SPIRE1: variants seen among roughly 807,000 people sequenced by gnomAD.
The protein encoded by SPIRE1 is protein spire homolog 1.
A neutral mutation model predicts 94.1 loss-of-function variants in SPIRE1; 40 were observed. The observed-to-expected ratio is 0.43, with a 90% CI of 0.33 to 0.55. The LOEUF (loss-of-function observed/expected upper bound fraction) is 0.55, where lower values mean the gene tolerates loss of function less well. Ranked by LOEUF, SPIRE1 falls within the 20% of genes least tolerant of loss-of-function variation. SPIRE1 has a pLI of 0.06. For synonymous variants in SPIRE1, 376 were observed against 371.7 expected, an observed-to-expected ratio of 1.01 and a Z score of -0.13; for missense variants, 838 against 975.2, an observed-to-expected ratio of 0.86 and a Z score of 1.87.
At chr18:12,612,319 C>T (rs1195681826) in intron 2 of SPIRE1, among the ~76,000 whole-genome samples, 1 of 152,072 alleles carries the variant, frequency 6.6e-6, no homozygotes, top group Non-Finnish European at 1.5e-5. Flanking sequence ...ATTCATGGGC[C>T]CTGTGGGTTT....
At chr18:12,470,899 C>T (rs1377843826) in intron 10 of SPIRE1, among the ~76,000 whole-genome samples, 1 of 151,940 alleles carries the variant, frequency 6.6e-6, no homozygotes, top group Non-Finnish European at 1.5e-5. Context: ...GCCTCTCGCA[C>T]TGCTGCTTTG....
intron 1 of SPIRE1, among the ~76,000 whole-genome samples, chr18:12,642,224 C>T (rs1417924864): frequency 6.6e-6 from 1 of 152,196 alleles, no homozygotes; most frequent in Non-Finnish European, 1.5e-5. Context: ...CTTGCATCTT[C>T]TTCCTTGAGA....
intron 2 of SPIRE1, among the ~76,000 whole-genome samples, chr18:12,565,670 G>A (rs368502578): frequency 2.7e-5 from 4 of 150,334 alleles, no homozygotes; most frequent in Admixed American, 6.6e-5. Context: ...CACTGCGCCC[G>A]GCCAAGACTT....
At chr18:12,561,204 T>C (rs1747129070) in intron 2 of SPIRE1, among the ~76,000 whole-genome samples, 1 of 152,078 alleles carries the variant, frequency 6.6e-6, no homozygotes, top group African/African-American at 2.4e-5. Flanking sequence ...GGTGGTCTCC[T>C]TACACAAGTT....
intron 2 of SPIRE1, among the ~76,000 whole-genome samples, chr18:12,551,518 G>C (rs1353344023): frequency 2.0e-5 from 3 of 152,174 alleles, no homozygotes; most frequent in African/African-American, 7.2e-5. Context: ...TGGCTAACAC[G>C]GAGAAACCCT....
At chr18:12,481,256 G>A (rs2032830233) in intron 9 of SPIRE1, among the ~76,000 whole-genome samples, 1 of 151,946 alleles carries the variant, frequency 6.6e-6, no homozygotes, top group African/African-American at 2.4e-5. Context: ...AAGTGAGACT[G>A]TGTCTCAAAA....
chr18:12,483,920 A>G (rs2143794689), intron 9 of SPIRE1, among the ~76,000 whole-genome samples: 1 of 152,358 alleles, frequency 6.6e-6, no homozygotes, highest in Non-Finnish European at 1.5e-5. Context: ...ATGAAGCATT[A>G]GAAAATCACG....
chr18:12,477,539 A>G (rs2032652558), intron 10 of SPIRE1, among the ~76,000 whole-genome samples: 1 of 152,222 alleles, frequency 6.6e-6, no homozygotes, highest in African/African-American at 2.4e-5. Context: ...GGTGATATAA[A>G]GTAAATTCAG....
intron 2 of SPIRE1, among the ~76,000 whole-genome samples, chr18:12,595,932 G>A (rs918586932): frequency 2.0e-5 from 3 of 152,194 alleles, no homozygotes; most frequent in African/African-American, 7.2e-5. Flanking sequence ...AGAAAAAAAA[G>A]AGGGGATGGG....
At chr18:12,575,816 G>T (rs1215684111) in intron 2 of SPIRE1, among the ~76,000 whole-genome samples, 1 of 152,194 alleles carries the variant, frequency 6.6e-6, no homozygotes, top group Non-Finnish European at 1.5e-5. Context: ...GACTAATATT[G>T]TTACAACGTC....
intron 3 of SPIRE1, 65 bp downstream of exon 3, chr18:12,546,609 G>GA (rs35057526): frequency 1.3e-5 from 16 of 1,228,010 alleles, no homozygotes; most frequent in African/African-American, 1.5e-5. Flanking sequence ...TCCAGGGGGG[G>GA]AAAAAAAAGA....
At chr18:12,539,763 A>G (rs953338850) in intron 3 of SPIRE1, among the ~76,000 whole-genome samples, 4 of 151,786 alleles carry the variant, frequency 2.6e-5, no homozygotes, top group African/African-American at 9.7e-5. Flanking sequence ...CGTCTCTACT[A>G]AAAATACAAA....
intron 2 of SPIRE1, among the ~76,000 whole-genome samples, chr18:12,633,021 T>G (rs2037825940): frequency 6.6e-6 from 1 of 152,192 alleles, no homozygotes; most frequent in South Asian, 2.1e-4. Context: ...ATATAGTATC[T>G]CTTTAAAAAT....
In SPIRE1 at chr18:12,648,264, T is replaced by G. The variant is rs562643059; in HGVS notation, c.337+9266A>C. 2.6e-5 allele frequency among the ~76,000 whole-genome samples: 4 copies of G among 152,092 alleles called. No individual in the cohort carries two copies. The East Asian group carries it at 7.7e-4, about 29-fold the overall frequency. ...ACAACATATTAAAAAAAGGTAAAAA[T>G]AGTAACTTTTTAGTGGAGAAACCTG... is the stretch of plus-strand genomic sequence containing the variant. On this transcript the variant is annotated intron_variant, in intron 1 of 16. Transcript: ENST00000409402.
At position 12,539,794 on chromosome 18, in the gene SPIRE1, G is replaced by A. The variant is rs181095863; in HGVS notation, c.604-4193C>T. 2.5e-3 allele frequency among the ~76,000 whole-genome samples: 386 copies of A among 151,872 alleles called. 3 individuals are homozygous for A. Among genetic ancestry groups the A allele is most frequent in the African/African-American group, 8.9e-3 (370 of 41,430 alleles). ...ACAAAAATTAGCTGGACATGGTGGC[G>A]AGTGCACCAAGTGCCTCAGCTACTT... On this transcript the variant is annotated intron_variant, in intron 3 of 16. Coordinates refer to ENST00000409402, the MANE Select transcript of SPIRE1 (RefSeq NM_001128626.2).
At chr18:12,536,989 G>A (rs1300169940) in intron 3 of SPIRE1, among the ~76,000 whole-genome samples, 1 of 152,118 alleles carries the variant, frequency 6.6e-6, no homozygotes, top group South Asian at 2.1e-4. Flanking sequence ...TTTGTAGTTT[G>A]TAATAGCCTT....
chr18:12,559,188 TGG>T lies in SPIRE1; in HGVS notation c.373-12286_373-12285del. ...TAGGAGCCCACGGGGTGGGGTGGGG[TGG>T]GGGGGCGCCGGCATGGCAGGCTGCA... On this transcript the variant is annotated intron_variant, in intron 2 of 16. Coordinates refer to ENST00000409402, the MANE Select transcript of SPIRE1 (RefSeq NM_001128626.2). This position sits in a 1 kb window ranked among gnomAD's most constrained non-coding sequence, Gnocchi z 4.7. 4.5e-5 allele frequency among the ~76,000 whole-genome samples: 1 copy of T among 22,442 alleles called. No individual in the cohort carries two copies. The highest frequency in any genetic ancestry group is 4.7e-4 in the Admixed American group (1 of 2,120). 14.7% of individuals were successfully genotyped at this position (22,442 alleles called of 152,430 possible).
intron 5 of SPIRE1, among the ~76,000 whole-genome samples, chr18:12,508,460 A>C (rs2033912613): frequency 6.6e-6 from 1 of 152,200 alleles, no homozygotes; most frequent in African/African-American, 2.4e-5. Flanking sequence ...GCCATTAAAG[A>C]TGTTCTAAAA....
intron 11 of SPIRE1, among the ~76,000 whole-genome samples, chr18:12,463,796 T>C (rs2031977062): frequency 6.6e-6 from 1 of 152,184 alleles, no homozygotes; most frequent in Non-Finnish European, 1.5e-5. Flanking sequence ...TTTTTAAAGA[T>C]AAAATAAGGA....
Sources: gnomAD v4.1 joint callset for allele counts (sites outside exome capture counted in the v4.1 genomes callset) on GRCh38, gnomAD v4.1.1 for gene constraint, Gnocchi (gnomAD v3.1) non-coding constraint, MANE v1.5 for transcripts, NCBI Gene and HGNC (gene_info 2026-07-23, HGNC 2026-07-21) for gene names.